QSER1: variants seen among roughly 807,000 people sequenced by gnomAD.
The protein encoded by QSER1 is glutamine and serine-rich protein 1.
QSER1 carries 49 observed loss-of-function variants against 158.5 expected under a neutral mutation model. The observed-to-expected ratio is 0.31, with a 90% confidence interval of 0.25 to 0.39. The LOEUF (loss-of-function observed/expected upper bound fraction) is 0.39. QSER1 is among the 10% of genes least tolerant of loss of function. QSER1 has a pLI of 1.00. For synonymous variants in QSER1, 650 were observed against 715.5 expected (o/e 0.91, Z 1.46); for missense variants, 1,754 against 2,010.3 (o/e 0.87, Z 2.44).
intron 1 of QSER1, among the ~76,000 whole-genome samples, chr11:32,907,216 A>G (rs531601775): frequency 1.3e-5 from 2 of 152,214 alleles, no homozygotes; most frequent in African/African-American, 2.4e-5. Flanking sequence ...GTTTGTAAGG[A>G]AAGAACAGCA....
intron 1 of QSER1, among the ~76,000 whole-genome samples, chr11:32,895,745 A>G (rs959740357): frequency 6.6e-6 from 1 of 152,248 alleles, no homozygotes; most frequent in African/African-American, 2.4e-5. Context: ...GTTGTTGCCG[A>G]CAGGGATCTA....
chr11:32,961,209 A>G (rs1318448842), intron 8 of QSER1, among the ~76,000 whole-genome samples: 1 of 152,166 alleles, frequency 6.6e-6, no homozygotes, highest in East Asian at 1.9e-4. Flanking sequence ...AAGCAATGGA[A>G]ATACTCCTCC....
At chr11:32,967,727 C>T (rs909853210) in intron 9 of QSER1, among the ~76,000 whole-genome samples, 1 of 152,012 alleles carries the variant, frequency 6.6e-6, no homozygotes, top group Non-Finnish European at 1.5e-5. Context: ...GCTTAAGGGC[C>T]CACAAACTTG....
chr11:32,908,761 G>A (rs371720387), intron 1 of QSER1, among the ~76,000 whole-genome samples: 8 of 152,136 alleles, frequency 5.3e-5, no homozygotes, highest in African/African-American at 1.7e-4. Context: ...ACATGTTTCC[G>A]GTGTAAGTAT....
chr11:32,899,946 T>C (rs995056357), intron 1 of QSER1, among the ~76,000 whole-genome samples: 16 of 152,228 alleles, frequency 1.1e-4, no homozygotes, highest in African/African-American at 3.9e-4. Context: ...TGTCACCCTC[T>C]CAACCTGGGC....
At position 32,934,410 on chromosome 11, in the gene QSER1, A is replaced by G. The variant is rs1183345555; in HGVS notation, c.3152A>G (p.Asn1051Ser). The G allele has an allele frequency of 1.9e-6, 3 of 1,613,834 alleles. No homozygotes were observed. Among genetic ancestry groups the G allele is most frequent in the Admixed American group, 3.3e-5 (2 of 59,962 alleles). The change falls in exon 4 of 13, where the codon AAT (asparagine) becomes AGT (serine). Residue 1051 changes from asparagine (N) to serine (S), a missense_variant. Physicochemically the swap from Asn to Ser is conservative, Grantham distance 46 (BLOSUM62 1). Coordinates refer to ENST00000650167, the MANE Select transcript of QSER1 (RefSeq NM_001076786.3). ...KPQNINDTSL[N>S]GNQVTVNLSP... is the part of the protein sequence containing the mutation. ...CAGAATATAAATGATACTTCCTTAA[A>G]TGGAAATCAGGTTACTGTGAACCTT...
chr11:32,917,449 T>G (rs1462130211), intron 1 of QSER1, among the ~76,000 whole-genome samples: 2 of 152,172 alleles, frequency 1.3e-5, no homozygotes, highest in Non-Finnish European at 2.9e-5. Context: ...ATTTTCTTAA[T>G]TCAGTTAACT....
rs1852466929 is a variant in QSER1, at chr11:32,953,931, G to T, written c.4252G>T (p.Gly1418Cys). 1 of 1,613,978 alleles carries T rather than the reference G, an allele frequency of 6.2e-7. No homozygotes were observed. The highest frequency in any genetic ancestry group is 1.1e-5 in the South Asian group (1 of 91,080). ...GTATTSSTTV[G>C]AVKQEPLHST... ...TGCTACTACTTCCTCAACCACTGTG[G>T]GTGCAGTTAAGCAAGAACCTCTCCA... Residue 1418 changes from glycine to cysteine, a missense_variant, in exon 5 of 13, where the codon GGT becomes TGT. By Grantham distance (159) the Gly-to-Cys change is radical. Coordinates refer to ENST00000650167, the MANE Select transcript of QSER1 (RefSeq NM_001076786.3).
chr11:32,941,452 G>C (rs1590171388), intron 4 of QSER1, among the ~76,000 whole-genome samples: 2 of 139,484 alleles, frequency 1.4e-5, no homozygotes, highest in Admixed American at 8.2e-5. Context: ...TCACTGTTCA[G>C]TTCCCACCTA....
Position 32,976,342 on chromosome 11 carries a change from G to A in QSER1, c.5463G>A (p.Ser1821=), listed in dbSNP as rs372033256. ...VYLICKDEIS[S]VQKKNEDLGQ... ...CGATTTTCTTTTTTTAGATTTCTTC[G>A]GTGCAGAAAAAAAATGAAGATTTAG... The change falls in exon 13 of 13, where the codon TCG becomes TCA. Residue 1821 remains serine, a synonymous_variant. Transcript: ENST00000650167. 89 of 1,579,742 alleles carry A rather than the reference G, an allele frequency of 5.6e-5. No individual in the cohort carries two copies. Among genetic ancestry groups the A allele is most frequent in the East Asian group, 2.1e-4 (9 of 43,846 alleles).
intron 1 of QSER1, among the ~76,000 whole-genome samples, chr11:32,903,336 T>A (rs1851648589): frequency 1.3e-5 from 2 of 150,212 alleles, no homozygotes; most frequent in Non-Finnish European, 3.0e-5. Flanking sequence ...AAAACCAAGA[T>A]CCTGAGGTGA....
At chr11:32,968,834 T>C (rs1380835157) in intron 9 of QSER1, among the ~76,000 whole-genome samples, 9 of 152,204 alleles carry the variant, frequency 5.9e-5, no homozygotes, top group Non-Finnish European at 8.8e-5. Flanking sequence ...ATCATCATAC[T>C]GAGCTGCCTC....
At chr11:32,971,479 C>G (rs1852855387) in intron 10 of QSER1, among the ~76,000 whole-genome samples, 1 of 152,122 alleles carries the variant, frequency 6.6e-6, no homozygotes, top group Admixed American at 6.5e-5. Flanking sequence ...CTTCTTTCAT[C>G]TCCACTGACT....
In QSER1 at chr11:32,932,089, A is replaced by G. The variant is rs371311410; in HGVS notation, c.831A>G (p.Gln277=). The G allele has an allele frequency of 2.4e-5, 38 of 1,613,942 alleles. No homozygotes were observed. Among genetic ancestry groups the G allele is most frequent in the South Asian group, 4.4e-5 (4 of 91,086 alleles). Residue 277 remains glutamine, a synonymous_variant, in exon 4 of 13, where the codon CAA becomes CAG. Transcript: ENST00000650167. Reference sequence around the variant, plus strand: ...CTGCACCCCATCTTTTACAACCTCAATTTAGTTTGTTGCCTTCAGCACTTG... The same window carrying G: ...CTGCACCCCATCTTTTACAACCTCAGTTTAGTTTGTTGCCTTCAGCACTTG... ...QESAPHLLQP[Q]FSLLPSALGG... is the part of the protein sequence containing the mutation.
chr11:32,914,434 T>G (rs1851808110), intron 1 of QSER1, among the ~76,000 whole-genome samples: 1 of 152,220 alleles, frequency 6.6e-6, no homozygotes, highest in South Asian at 2.1e-4. Flanking sequence ...ATTCTATTTT[T>G]ATTATATTCT....
At chr11:32,905,006 A>G (rs1405996996) in intron 1 of QSER1, among the ~76,000 whole-genome samples, 3 of 152,220 alleles carry the variant, frequency 2.0e-5, no homozygotes, top group Non-Finnish European at 4.4e-5. Context: ...CTGATTTAAT[A>G]AAGAATATGT....
At chr11:32,951,535 C>T (rs1042051758) in intron 4 of QSER1, among the ~76,000 whole-genome samples, 23 of 152,164 alleles carry the variant, frequency 1.5e-4, no homozygotes, top group African/African-American at 5.1e-4. Context: ...GCCATCTTAA[C>T]AGTGTTGCGT....
chr11:32,919,081 G>T (rs1240807248), intron 1 of QSER1, among the ~76,000 whole-genome samples: 1 of 152,072 alleles, frequency 6.6e-6, no homozygotes, highest in East Asian at 1.9e-4. Flanking sequence ...GATTTCCATA[G>T]ATTTACTTAA....
chr11:32,927,335 A>G (rs1247294563), intron 2 of QSER1, 66 bp downstream of exon 2: 1 of 152,628 alleles, frequency 6.6e-6, no homozygotes, highest in Non-Finnish European at 1.5e-5. Flanking sequence ...AGAAAAACCA[A>G]TTTTCATGTG....
Sources: allele counts gnomAD v4.1 joint callset (sites outside exome capture counted in the v4.1 genomes callset), GRCh38; gene constraint gnomAD v4.1.1; transcripts MANE v1.5; gene names NCBI Gene and HGNC (gene_info 2026-07-23, HGNC 2026-07-21).